CACNA1F: variants seen among roughly 807,000 people sequenced by gnomAD.
The protein encoded by CACNA1F is voltage-dependent L-type calcium channel subunit alpha-1F.
Under a neutral mutation model 143.8 loss-of-function variants are expected in CACNA1F, and 59 were observed. That is an observed-to-expected ratio of 0.41 (90% CI 0.33 to 0.51). The LOEUF (loss-of-function observed/expected upper bound fraction) is 0.51. Ranked by LOEUF, CACNA1F falls within the 20% of genes least tolerant of loss-of-function variation. CACNA1F has a pLI of 0.22. For missense variants in CACNA1F, 1,411 were observed against 1,647.5 expected (o/e 0.86, Z 2.48); for synonymous variants, 643 against 649.1 (o/e 0.99, Z 0.14).
rs142532762 is a variant in CACNA1F, at chrX:49,226,023, G to C, written c.1537C>G (p.Arg513Gly). Reference sequence around the variant, plus strand: ...TAGCAGGCATTGGACTTCACTGCCCGACGGCAGCGTGCCCGAAGGACCCGG... The same window carrying C: ...TAGCAGGCATTGGACTTCACTGCCCCACGGCAGCGTGCCCGAAGGACCCGG... ...ANRVLRARCR[R>G]AVKSNACYWA... The change falls in exon 13 of 48, where the codon CGG (arginine) becomes GGG (glycine). Residue 513 changes from arginine (R) to glycine (G), a missense_variant. Arg to Gly is a moderately radical substitution (Grantham distance 125). This residue lies in a region of CACNA1F where 950 missense variants were observed against 1,128.1 expected (regional missense o/e 0.84). Transcript: ENST00000323022. The C allele has an allele frequency of 3.4e-6, 4 of 1,188,269 alleles. No individual in the cohort carries two copies. Among genetic ancestry groups the C allele is most frequent in the Admixed American group, 2.4e-5 (1 of 42,421 alleles).
chrX:49,219,498 G>T (rs782244547), intron 20 of CACNA1F, 48 bp from the exon 21 acceptor site: 2 of 1,195,441 alleles, frequency 1.7e-6, no homozygotes, highest in Non-Finnish European at 2.3e-6. Context: ...CCACAGAATT[G>T]TTCAGGGATT....
In CACNA1F at chrX:49,228,422, C is replaced by G. The variant is rs369660305; in HGVS notation, c.843G>C (p.Ser281=). 2 of 1,206,006 alleles carry G rather than the reference C, an allele frequency of 1.7e-6. No individual in the cohort carries two copies. The highest frequency in any genetic ancestry group is 1.7e-5 in the African/African-American group (1 of 57,563). The change falls in exon 7 of 48, where the codon TCG becomes TCC. Residue 281 remains serine, a synonymous_variant. Transcript: ENST00000323022. ...GSDMEAEEDP[S]PCASSGSGRA... is the part of the protein sequence containing the mutation. ...GCCCTGATCCCGAAGACGCACAGGGCGATGGGTCCTCCTCCGCTTCCATGT... is the reference window on the plus strand; with the variant it reads ...GCCCTGATCCCGAAGACGCACAGGGGGATGGGTCCTCCTCCGCTTCCATGT...
In CACNA1F at chrX:49,230,996, GT is replaced by G; in HGVS notation, c.382-8del. On this transcript the variant is annotated splice_region_variant and splice_polypyrimidine_tract_variant and intron_variant, in intron 3 of 47. Coordinates refer to ENST00000323022, the MANE Select transcript of CACNA1F (RefSeq NM_001256789.3). ...ATACGTACTCCACCTGCTCCTGGGG[GT>G]GGGACCGGGGGGCGGGTCGGGAAGT... The G allele has an allele frequency of 8.5e-7, 1 of 1,172,209 alleles. No homozygotes were observed. The highest frequency in any genetic ancestry group is 1.2e-6 in the Non-Finnish European group (1 of 862,265).
At chrX:49,215,629 C>G in intron 27 of CACNA1F, 86 bp from the exon 28 acceptor site, 2 of 612,591 alleles carry the variant, frequency 3.3e-6, no homozygotes, top group Non-Finnish European at 5.1e-6. Context: ...CTACTTATCA[C>G]AGACACCCCA....
intron 14 of CACNA1F, among the ~76,000 whole-genome samples, chrX:49,223,610 A>G (rs1434579187): frequency 9.6e-6 from 1 of 104,030 alleles, no homozygotes; most frequent in African/African-American, 3.5e-5. Context: ...AAAAAAAAAA[A>G]AAAAAAAAAA....
chrX:49,208,789 C>T, intron 42 of CACNA1F, 105 bp from the exon 43 acceptor site: 3 of 626,484 alleles, frequency 4.8e-6, no homozygotes, highest in Non-Finnish European at 8.1e-6. Flanking sequence ...CCTTGCCCTC[C>T]AACAGCAATG....
At chrX:49,206,392 C>CAA (rs1168190548) in intron 46 of CACNA1F, 119 bp downstream of exon 46, 10,130 of 154,331 alleles carry the variant, frequency 0.066, 353 homozygotes, top group African/African-American at 0.2. Flanking sequence ...AACTCTGTCT[C>CAA]AAAAAAAAAA....
rs1181392564 is a variant in CACNA1F at position 49,221,058 on chromosome X, G to A, written c.2311C>T (p.Leu771Phe). The A allele has an allele frequency of 8.3e-7, 1 of 1,209,829 alleles. No homozygotes were observed. Among genetic ancestry groups the A allele is most frequent in the African/African-American group, 1.7e-5 (1 of 57,937 alleles). ...KGGEKSNEKD[L>F]PQENEGLVPG... Reference sequence around the variant, plus strand: ...ACCAGGCCTTCATTCTCCTGTGGGAGATCCTTCTCATTGCTCTTCTCCCTG... The same window carrying A: ...ACCAGGCCTTCATTCTCCTGTGGGAAATCCTTCTCATTGCTCTTCTCCCTG... Residue 771 changes from leucine (L) to phenylalanine (F), a missense_variant, in exon 18 of 48, where the codon CTC (leucine) becomes TTC (phenylalanine). Around this residue, in one of 3 missense-constraint regions of CACNA1F, gnomAD observed 950 missense variants for 1,128.1 expected, o/e 0.84. Transcript: ENST00000323022.
chrX:49,225,013 G>A (rs1362874489), intron 13 of CACNA1F, 27 bp from the exon 14 acceptor site: 8 of 1,040,812 alleles, frequency 7.7e-6, no homozygotes, highest in East Asian at 6.3e-5. Flanking sequence ...AGGGATGATC[G>A]GGCTGGCCAG....
intron 17 of CACNA1F, among the ~76,000 whole-genome samples, chrX:49,221,851 T>C (rs1241409127): frequency 1.8e-5 from 2 of 108,837 alleles, no homozygotes; most frequent in African/African-American, 6.7e-5. Flanking sequence ...AGCGTGGTGG[T>C]GTACGTCTGT....
rs1205662598 is a variant in CACNA1F at position 49,209,684 on chromosome X, T to TGGGC, written c.4765_4766insGCCC (p.Lys1589SerfsTer14). ...GTCGTTGCCTAGTAGCCCTTTTTCT[T>TGGGC]TCCTCCGCCGGAATTTGCGGAAATA... On this transcript the variant is annotated frameshift_variant, in exon 41 of 48. Coordinates refer to ENST00000323022, the MANE Select transcript of CACNA1F (RefSeq NM_001256789.3). LOFTEE classifies it high-confidence loss of function. 1 of 1,211,021 alleles carries TGGGC rather than the reference T, an allele frequency of 8.3e-7. No individual in the cohort carries two copies. Among genetic ancestry groups the TGGGC allele is most frequent in the Non-Finnish European group, 1.1e-6 (1 of 895,023 alleles).
At chrX:49,208,329 T>C (rs782278902) in intron 43 of CACNA1F, among the ~76,000 whole-genome samples, 186 bp downstream of exon 43, 1 of 111,822 alleles carries the variant, frequency 8.9e-6, no homozygotes, top group African/African-American at 3.2e-5. Context: ...CTTTCTCATA[T>C]GAATCTCTTA....
intron 37 of CACNA1F, 122 bp from the exon 38 acceptor site, chrX:49,210,808 G>T (rs1360880643): frequency 1.2e-6 from 1 of 848,340 alleles, no homozygotes; most frequent in African/African-American, 2.0e-5. Flanking sequence ...GGAAGAACTG[G>T]AGGGCAGTCA....
chrX:49,231,244 G>A lies in CACNA1F; in HGVS notation c.339C>T (p.Ile113=), dbSNP rs371293383. 3.4e-6 allele frequency: 4 copies of A among 1,164,483 alleles called. No individual in the cohort carries two copies. In the African/African-American group the frequency reaches 7.2e-5, roughly 21 times the overall value. Residue 113 remains isoleucine, a synonymous_variant, in exon 3 of 48, where the codon ATC becomes ATT. Coordinates refer to ENST00000323022, the MANE Select transcript of CACNA1F (RefSeq NM_001256789.3). ...FANCVALGVY[I]PFPEDDSNTA... ...TGTTGGAGTCGTCCTCAGGGAAGGG[G>A]ATGTAAACTCCCAGGGCCACGCAGT...
At chrX:49,231,417 G>C in intron 2 of CACNA1F, 110 bp from the exon 3 acceptor site, 3 of 650,296 alleles carry the variant, frequency 4.6e-6, no homozygotes, top group Non-Finnish European at 7.5e-6. Context: ...GACAGGTCCT[G>C]GCATTCTCGA....
chrX:49,221,008 T>C (rs1557108656), intron 18 of CACNA1F, 27 bp downstream of exon 18: 1 of 1,159,470 alleles, frequency 8.6e-7, no homozygotes, highest in Admixed American at 2.2e-5. Context: ...GTGGGAGGTG[T>C]AGACAGTGCC....
intron 41 of CACNA1F, 22 bp from the exon 42 acceptor site, chrX:49,209,415 TA>T (rs1227284959): frequency 2.5e-6 from 3 of 1,206,142 alleles, no homozygotes; most frequent in Non-Finnish European, 3.4e-6. Flanking sequence ...GAGAAATAGG[TA>T]AGCAGGCAGC....
intron 8 of CACNA1F, among the ~76,000 whole-genome samples, chrX:49,227,782 A>G (rs142486036): frequency 1.3e-3 from 141 of 112,460 alleles, no homozygotes; most frequent in Middle Eastern, 4.6e-3. Context: ...GTGTGCCAAT[A>G]TATAAATGCA....
intron 17 of CACNA1F, among the ~76,000 whole-genome samples, chrX:49,221,494 C>T (rs905757750): frequency 2.7e-5 from 3 of 110,332 alleles, no homozygotes; most frequent in Non-Finnish European, 5.7e-5. Context: ...CTGCAACCTC[C>T]GCCTCCTGGG....
Sources: allele counts gnomAD v4.1 joint callset (sites outside exome capture counted in the v4.1 genomes callset), GRCh38; gene constraint gnomAD v4.1.1; regional missense constraint gnomAD v4.1.1; transcripts MANE v1.5; gene names NCBI Gene and HGNC (gene_info 2026-07-23, HGNC 2026-07-21).